Variants in AGMO observed in about 807,000 individuals in gnomAD.
AGMO encodes the protein glyceryl-ether monooxygenase.
AGMO carries 75 observed loss-of-function variants against 60.2 expected under a neutral mutation model. The ratio of observed to expected loss-of-function variants is 1.25; its 90% confidence interval spans 1.03 to 1.51. The LOEUF (loss-of-function observed/expected upper bound fraction) is 1.51, where lower values mean the gene tolerates loss of function less well. Among genes scored for constraint, AGMO ranks in the 40% most tolerant of loss-of-function variants. AGMO has a pLI of 0.00. For missense variants in AGMO, 763 were observed against 525.5 expected, an observed-to-expected ratio of 1.45 and a Z score of -4.42; for synonymous variants, 261 against 177.1, an observed-to-expected ratio of 1.47 and a Z score of -3.76.
At chr7:15,295,902 A>C (rs537424840) in intron 12 of AGMO, among the ~76,000 whole-genome samples, 3 of 152,282 alleles carry the variant, frequency 2.0e-5, no homozygotes, top group African/African-American at 7.2e-5. Flanking sequence ...CACAGAGCTC[A>C]ATGTTATCCT....
At chr7:15,383,628 CTAGAT>C (rs1215653810) in intron 10 of AGMO, among the ~76,000 whole-genome samples, 11 of 151,842 alleles carry the variant, frequency 7.2e-5, no homozygotes, top group Middle Eastern at 3.4e-3. Flanking sequence ...ATTGATAATC[CTAGAT>C]TAGATTCATT....
the AGMO span, among the ~76,000 whole-genome samples, chr7:15,184,056 TA>T: frequency 6.6e-6 from 1 of 152,184 alleles, no homozygotes; most frequent in Non-Finnish European, 1.5e-5. Context: ...TTATTTAATT[TA>T]ATCTCTTCAT....
intron 12 of AGMO, among the ~76,000 whole-genome samples, chr7:15,318,156 C>T (rs906050813): frequency 4.6e-5 from 7 of 151,926 alleles, no homozygotes; most frequent in African/African-American, 1.7e-4. Context: ...CAGGCATGCA[C>T]CACAATCCCT....
Position 15,201,376 on chromosome 7 carries a change from CAAAG to C in AGMO, c.1264-21_1264-18del. 1.9e-6 allele frequency: 3 copies of C among 1,585,224 alleles called. No individual in the cohort carries two copies. Among genetic ancestry groups the C allele is most frequent in the Non-Finnish European group, 1.7e-6 (2 of 1,161,184 alleles). ...AAAAACAATCTGAAGAAATAAAACA[CAAAG>C]AGAAAAAAAAATTAGAAGTGAATCA... On this transcript the variant is annotated intron_variant, in intron 12 of 12. Coordinates refer to ENST00000342526, the MANE Select transcript of AGMO (RefSeq NM_001004320.2).
intron 12 of AGMO, among the ~76,000 whole-genome samples, chr7:15,352,076 G>A (rs766876281): frequency 4.7e-4 from 71 of 152,280 alleles, no homozygotes; most frequent in Middle Eastern, 3.4e-3. Flanking sequence ...TATGACAGAA[G>A]AAATAACAAA....
intron 12 of AGMO, among the ~76,000 whole-genome samples, chr7:15,361,485 A>T (rs1179194342): frequency 7.0e-6 from 1 of 142,838 alleles, no homozygotes; most frequent in Non-Finnish European, 1.5e-5. Flanking sequence ...GCTTGCAGTG[A>T]GCCGAGATCG....
chr7:15,508,278 T>C (rs1783574410), intron 3 of AGMO, among the ~76,000 whole-genome samples: 1 of 152,146 alleles, frequency 6.6e-6, no homozygotes, highest in South Asian at 2.1e-4. Flanking sequence ...GAAGAATTAA[T>C]GGAATTATTT....
intron 4 of AGMO, among the ~76,000 whole-genome samples, chr7:15,419,424 G>T (rs1351173571): frequency 6.6e-6 from 1 of 151,902 alleles, no homozygotes; most frequent in Non-Finnish European, 1.5e-5. Context: ...ATAACCAAAT[G>T]AGAATAAAAT....
At chr7:15,491,281 A>T (rs1412314756) in intron 3 of AGMO, among the ~76,000 whole-genome samples, 2 of 152,164 alleles carry the variant, frequency 1.3e-5, no homozygotes, top group Non-Finnish European at 2.9e-5. Flanking sequence ...ATTCAGTGTA[A>T]TATGTGCAAA....
intron 12 of AGMO, among the ~76,000 whole-genome samples, chr7:15,202,501 A>G (rs1000665728): frequency 7.3e-6 from 1 of 136,610 alleles, no homozygotes; most frequent in East Asian, 2.3e-4. Context: ...CCTCCCAAAC[A>G]AGGATGTTTC....
At chr7:15,508,862 A>G (rs112726327) in intron 3 of AGMO, among the ~76,000 whole-genome samples, 5 of 152,348 alleles carry the variant, frequency 3.3e-5, no homozygotes, top group African/African-American at 7.2e-5. Flanking sequence ...ATACCATAAT[A>G]CATTCCATTC....
chr7:15,339,800 G>A (rs964243324), intron 12 of AGMO, among the ~76,000 whole-genome samples: 3 of 152,162 alleles, frequency 2.0e-5, no homozygotes, highest in African/African-American at 7.2e-5. Flanking sequence ...AATGAAGTTA[G>A]TTAATGAAAG....
At chr7:15,123,098 G>C in the AGMO span, among the ~76,000 whole-genome samples, 11 of 152,104 alleles carry the variant, frequency 7.2e-5, no homozygotes, top group South Asian at 2.3e-3. Flanking sequence ...TAGGGACCTA[G>C]ACTATTTTTT....
rs538388216 is a variant in AGMO at position 15,491,513 on chromosome 7, T to C, written c.409+53259A>G. Among the ~76,000 whole-genome samples the C allele has an allele frequency of 1.2e-3, 177 of 152,298 alleles. 2 individuals are homozygous for C. Among genetic ancestry groups the C allele is most frequent in the Non-Finnish European group, 2.1e-3 (145 of 68,018 alleles). ...ATTATGTGCCATACCACAAAGTAAGTGCTATATAAAAAGTTCTAAGGACTT... is the reference window on the plus strand; with the variant it reads ...ATTATGTGCCATACCACAAAGTAAGCGCTATATAAAAAGTTCTAAGGACTT... On this transcript the variant is annotated intron_variant, in intron 3 of 12. Coordinates refer to ENST00000342526, the MANE Select transcript of AGMO (RefSeq NM_001004320.2).
the AGMO span, among the ~76,000 whole-genome samples, chr7:15,164,291 T>C: frequency 2.0e-5 from 3 of 152,040 alleles, no homozygotes; most frequent in African/African-American, 7.2e-5. Context: ...ATAAAAATCC[T>C]AGAAGAAAAC....
intron 12 of AGMO, among the ~76,000 whole-genome samples, chr7:15,316,733 C>T (rs1780937174): frequency 6.6e-6 from 1 of 152,144 alleles, no homozygotes; most frequent in Non-Finnish European, 1.5e-5. Context: ...TTTCCCCTCT[C>T]ACTGTTTAGC....
intron 5 of AGMO, among the ~76,000 whole-genome samples, chr7:15,410,879 T>C (rs2128492294): frequency 6.6e-6 from 1 of 152,020 alleles, no homozygotes; most frequent in East Asian, 1.9e-4. Flanking sequence ...ATTATTTTAA[T>C]TGTTAGATTG....
At chr7:15,217,597 A>G (rs1781779448) in intron 12 of AGMO, among the ~76,000 whole-genome samples, 2 of 152,128 alleles carry the variant, frequency 1.3e-5, no homozygotes. Context: ...CATACATCAA[A>G]TAGAAACATC....
intron 3 of AGMO, among the ~76,000 whole-genome samples, chr7:15,461,067 C>G (rs1024379399): frequency 1.4e-4 from 21 of 151,928 alleles, no homozygotes; most frequent in Non-Finnish European, 2.4e-4. Context: ...ATAGGGCCCA[C>G]TATTGTTCAA....
Sources: gnomAD v4.1 joint callset for allele counts (sites outside exome capture counted in the v4.1 genomes callset) on GRCh38, gnomAD v4.1.1 for gene constraint, MANE v1.5 for transcripts, NCBI Gene and HGNC (gene_info 2026-07-23, HGNC 2026-07-21) for gene names.